CCT4: variants seen among roughly 807,000 people sequenced by gnomAD.
CCT4 encodes T-complex protein 1 subunit delta.
A neutral mutation model predicts 62.5 loss-of-function variants in CCT4; 17 were observed. That is an observed-to-expected ratio of 0.27 (90% confidence interval 0.19 to 0.41). CCT4 has a LOEUF of 0.41. CCT4 is among the 10% of genes least tolerant of loss of function. CCT4 has a pLI of 1.00. For synonymous variants in CCT4, 250 were observed against 229.9 expected (o/e 1.09, Z -0.79); for missense variants, 592 against 659.2 (o/e 0.90, Z 1.12).
chr2:61,873,881 AAT>A (rs1476252197), intron 8 of CCT4, among the ~76,000 whole-genome samples: 1 of 151,708 alleles, frequency 6.6e-6, no homozygotes, highest in Non-Finnish European at 1.5e-5. Context: ...ATTTATTTTT[AAT>A]AGAGACAGGG....
At chr2:61,884,121 A>G (rs1296565680) in intron 2 of CCT4, among the ~76,000 whole-genome samples, 2 of 152,214 alleles carry the variant, frequency 1.3e-5, no homozygotes, top group Non-Finnish European at 2.9e-5. Flanking sequence ...CATAAGGAAC[A>G]CTAAACTGAA....
chr2:61,873,012 T>G lies in CCT4; in HGVS notation c.1115A>C (p.Lys372Thr). 6.3e-7 allele frequency: 1 copy of G among 1,592,088 alleles called. No individual in the cohort carries two copies. Among genetic ancestry groups the G allele is most frequent in the Non-Finnish European group, 8.6e-7 (1 of 1,159,974 alleles). ...GTGTAATACTGTTACCTTGAGCAGT[T>G]TGCCAGAACCATTTAAATTGACCTC... The part of the protein sequence containing the change: ...AEEVNLNGSG[K>T]LLKITGCASP... Residue 372 changes from lysine to threonine, a missense_variant, in exon 10 of 14, where the codon AAA becomes ACA. Lys to Thr is a moderately conservative substitution (Grantham distance 78, BLOSUM62 -1). Coordinates refer to ENST00000394440, the MANE Select transcript of CCT4 (RefSeq NM_006430.4).
chr2:61,872,561 T>G lies in CCT4; in HGVS notation c.1153A>C (p.Thr385Pro). The G allele has an allele frequency of 1.2e-6, 2 of 1,613,970 alleles. No homozygotes were observed. Among genetic ancestry groups the G allele is most frequent in the Non-Finnish European group, 1.7e-6 (2 of 1,179,864 alleles). ...KITGCASPGK[T>P]VTIVVRGSNK... ...GAACCACGAACAACAATTGTAACTG[T>G]TTTTCCAGGGCTGGCACAGCCTGTA... The change falls in exon 11 of 14, where the codon ACA becomes CCA. Residue 385 changes from threonine (T) to proline (P), a missense_variant. Thr to Pro is a conservative substitution (Grantham distance 38). Transcript: ENST00000394440.
chr2:61,881,765 TATG>T (rs1669120323), intron 3 of CCT4, among the ~76,000 whole-genome samples: 1 of 152,170 alleles, frequency 6.6e-6, no homozygotes, highest in Non-Finnish European at 1.5e-5. Flanking sequence ...TTAATGGCTG[TATG>T]ATTAACATGC....
At position 61,888,625 on chromosome 2, in the gene CCT4, G is replaced by T; in HGVS notation, c.-118C>A. On this transcript the variant is annotated 5_prime_UTR_variant, in exon 1 of 14. Coordinates refer to ENST00000394440, the MANE Select transcript of CCT4 (RefSeq NM_006430.4). ...CTTCACGAACCTTCCAGAAAGCGGC[G>T]CCGGCGTCGGGAGGAGGCGGAGGCG... is the stretch of plus-strand genomic sequence containing the variant. The T allele has an allele frequency of 3.1e-6, 4 of 1,274,454 alleles. No homozygotes were observed. Among genetic ancestry groups the T allele is most frequent in the Non-Finnish European group, 4.2e-6 (4 of 952,686 alleles). 78.9% of individuals were successfully genotyped at this position (1,274,454 alleles called of 1,614,324 possible).
chr2:61,888,667 T>G, upstream of CCT4: 1 of 820,200 alleles, frequency 1.2e-6, no homozygotes, highest in Non-Finnish European at 1.8e-6. Flanking sequence ...GGGGCCTTCC[T>G]TGCCGCGCGG....
At chr2:61,869,824 A>G (rs777024406) in intron 12 of CCT4, among the ~76,000 whole-genome samples, 11 of 151,476 alleles carry the variant, frequency 7.3e-5, no homozygotes, top group Non-Finnish European at 1.6e-4. Flanking sequence ...TAGTAGAGAC[A>G]GGGTTTCACC....
At chr2:61,877,107 G>A (rs1301711792) in intron 6 of CCT4, 55 bp from the exon 7 acceptor site, 33 of 1,461,226 alleles carry the variant, frequency 2.3e-5, no homozygotes, top group South Asian at 5.9e-5. Flanking sequence ...ACATCTGTAC[G>A]TTTAATAGAT....
At chr2:61,883,171 C>A (rs1669154918) in intron 3 of CCT4, among the ~76,000 whole-genome samples, 2 of 152,248 alleles carry the variant, frequency 1.3e-5, no homozygotes, top group South Asian at 4.1e-4. Flanking sequence ...TGTCTGTAAT[C>A]CCAGCACTTT....
At chr2:61,883,708 CA>C (rs1341737968) in intron 2 of CCT4, among the ~76,000 whole-genome samples, 160 bp from the exon 3 acceptor site, 1 of 151,508 alleles carries the variant, frequency 6.6e-6, no homozygotes, top group Non-Finnish European at 1.5e-5. Flanking sequence ...TACGCAATAA[CA>C]GTCCAACTTT....
At chr2:61,877,757 T>C (rs1402337728) in intron 5 of CCT4, among the ~76,000 whole-genome samples, 1 of 152,202 alleles carries the variant, frequency 6.6e-6, no homozygotes, top group African/African-American at 2.4e-5. Flanking sequence ...GCCGGGACTG[T>C]AGAATATCAA....
chr2:61,886,046 T>C (rs952184592), intron 1 of CCT4: 1 of 152,234 alleles, frequency 6.6e-6, no homozygotes, highest in Non-Finnish European at 1.5e-5. Flanking sequence ...ACATGGTAGA[T>C]AGGTGGCCCG....
intron 3 of CCT4, among the ~76,000 whole-genome samples, 187 bp downstream of exon 3, chr2:61,883,272 T>C (rs1285328078): frequency 6.6e-6 from 1 of 151,646 alleles, no homozygotes; most frequent in Non-Finnish European, 1.5e-5. Flanking sequence ...AATACAAAAA[T>C]CAACCAGGCA....
intron 1 of CCT4, among the ~76,000 whole-genome samples, chr2:61,887,283 C>T (rs1289720858): frequency 1.3e-5 from 2 of 152,316 alleles, no homozygotes; most frequent in East Asian, 3.9e-4. Context: ...CCATCACATT[C>T]CCAGTTACTT....
chr2:61,882,281 C>A (rs897558009), intron 3 of CCT4, among the ~76,000 whole-genome samples: 12 of 152,158 alleles, frequency 7.9e-5, no homozygotes, highest in Non-Finnish European at 1.5e-4. Flanking sequence ...TATGACTTGA[C>A]ACCAGGTTTA....
At position 61,888,083 on chromosome 2, in the gene CCT4, T is replaced by C. The variant is rs1179925052; in HGVS notation, c.127+298A>G. The C allele has an allele frequency of 9.1e-6, 3 of 331,372 alleles. No homozygotes were observed. The South Asian group carries it at 2.7e-4, about 30-fold the overall frequency. The allele number at this position is 331,372 out of a possible 1,614,324, so 20.5% of individuals were successfully genotyped here. ...CGTCAGATCCCTAGTGAAGACTGCA[T>C]GCAATCCTCGGCATTTTGAACTGCT... On this transcript the variant is annotated intron_variant, in intron 1 of 13. Coordinates refer to ENST00000394440, the MANE Select transcript of CCT4 (RefSeq NM_006430.4).
chr2:61,883,528 A>C lies in CCT4; in HGVS notation c.201T>G (p.Asp67Glu). ...MDKMIQDGKG[D>E]VTITNDGATI... is the part of the protein sequence containing the mutation. ...TAGCACCATCATTTGTAATGGTTAC[A>C]TCACCTTTTCCATCTTGAATCTAGA... The change falls in exon 3 of 14, where the codon GAT (aspartate) becomes GAG (glutamate). Residue 67 changes from aspartate to glutamate, a missense_variant. Around this residue, in one of 3 missense-constraint regions of CCT4, gnomAD observed 522 missense variants for 571.2 expected, o/e 0.91. Transcript: ENST00000394440. 1 of 1,590,536 alleles carries C rather than the reference A, an allele frequency of 6.3e-7. No individual in the cohort carries two copies. Among genetic ancestry groups the C allele is most frequent in the Non-Finnish European group, 8.6e-7 (1 of 1,166,368 alleles).
intron 4 of CCT4, 113 bp downstream of exon 4, chr2:61,880,173 T>C (rs577280986): frequency 9.8e-6 from 5 of 507,916 alleles, no homozygotes; most frequent in Non-Finnish European, 1.7e-5. Flanking sequence ...GTAAAAAGAT[T>C]AGTTATTCCA....
At position 61,872,512 on chromosome 2, in the gene CCT4, G is replaced by C; in HGVS notation, c.1202C>G (p.Ala401Gly). ...TAGGGCATCATGAATGGAGCGCTCA[G>C]CTTCTTCAATCACCAGTTTGTTAGA... ...RGSNKLVIEE[A>G]ERSIHDALCV... Residue 401 changes from alanine (A) to glycine (G), a missense_variant, in exon 11 of 14, where the codon GCT becomes GGT. Physicochemically the swap from Ala to Gly is moderately conservative, Grantham distance 60. Coordinates refer to ENST00000394440, the MANE Select transcript of CCT4 (RefSeq NM_006430.4). The C allele has an allele frequency of 6.2e-7, 1 of 1,613,842 alleles. No homozygotes were observed. Among genetic ancestry groups the C allele is most frequent in the Non-Finnish European group, 8.5e-7 (1 of 1,179,698 alleles).
Sources: allele counts gnomAD v4.1 joint callset (sites outside exome capture counted in the v4.1 genomes callset), GRCh38; gene constraint gnomAD v4.1.1; regional missense constraint gnomAD v4.1.1; transcripts MANE v1.5; gene names NCBI Gene and HGNC (gene_info 2026-07-23, HGNC 2026-07-21).